GNG4: variants seen among roughly 807,000 people sequenced by gnomAD.
GNG4 encodes G protein subunit gamma 4.
A neutral mutation model predicts 5.8 loss-of-function variants in GNG4; 4 were observed. That is an observed-to-expected ratio of 0.69 (90% CI 0.34 to 1.57). The LOEUF (loss-of-function observed/expected upper bound fraction) is 1.57, where lower values mean the gene tolerates loss of function less well. GNG4 is among the 40% of genes most tolerant of loss of function. The pLI is 0.06. For missense variants in GNG4, 96 were observed against 95.1 expected, an observed-to-expected ratio of 1.01 and a Z score of -0.04; for synonymous variants, 29 against 32.9, an observed-to-expected ratio of 0.88 and a Z score of 0.41.
At chr1:235,635,450 C>T (rs1040798947) in intron 1 of GNG4, among the ~76,000 whole-genome samples, 8 of 151,796 alleles carry the variant, frequency 5.3e-5, no homozygotes, top group Non-Finnish European at 1.0e-4. Context: ...GAGCTGAGAT[C>T]GCACCACTGG....
At chr1:235,618,861 G>A (rs1260748699) in intron 1 of GNG4, among the ~76,000 whole-genome samples, 2 of 151,210 alleles carry the variant, frequency 1.3e-5, no homozygotes, top group African/African-American at 4.8e-5. Context: ...TCACCATGTT[G>A]GCCGGGCTGG....
intron 1 of GNG4, among the ~76,000 whole-genome samples, chr1:235,611,321 C>G (rs1040636550): frequency 1.3e-5 from 2 of 151,978 alleles, no homozygotes; most frequent in Non-Finnish European, 2.9e-5. Flanking sequence ...GTGTGTGCCA[C>G]CATGCTGGAC....
At chr1:235,573,329 TG>T (rs1318915319) in intron 3 of GNG4, among the ~76,000 whole-genome samples, 3 of 38,936 alleles carry the variant, frequency 7.7e-5, no homozygotes, top group African/African-American at 2.0e-4. Context: ...TGTCAAGGGG[TG>T]GGGGGAGGGG....
intron 3 of GNG4, among the ~76,000 whole-genome samples, chr1:235,564,066 C>G (rs750928631): frequency 1.3e-5 from 2 of 152,130 alleles, no homozygotes; most frequent in African/African-American, 4.8e-5. Flanking sequence ...TATATATACA[C>G]CATGAAATAC....
At chr1:235,560,056 C>G (rs1687018750) in intron 3 of GNG4, among the ~76,000 whole-genome samples, 1 of 152,172 alleles carries the variant, frequency 6.6e-6, no homozygotes. Context: ...TTTGATATTT[C>G]CCAAATTTCC....
chr1:235,586,894 A>C (rs1687771340), intron 2 of GNG4, among the ~76,000 whole-genome samples: 5 of 152,180 alleles, frequency 3.3e-5, no homozygotes, highest in Admixed American at 3.3e-4. Flanking sequence ...CAGCAACACA[A>C]AACAGCCTAC....
rs188442131 is a variant in GNG4 at position 235,576,168 on chromosome 1, C to G, written c.99+7572G>C. On this transcript the variant is annotated intron_variant, in intron 3 of 3. Coordinates refer to ENST00000391854, the MANE Select transcript of GNG4 (RefSeq NM_001098722.2). Reference sequence around the variant, plus strand: ...CTCCGCGTCCCGGATTCAAGCGATTCCCTTGCCTCAGCCTCCCAAGTAGCT... The same window carrying G: ...CTCCGCGTCCCGGATTCAAGCGATTGCCTTGCCTCAGCCTCCCAAGTAGCT... Among the ~76,000 whole-genome samples the G allele has an allele frequency of 4.9e-4, 74 of 151,006 alleles. No homozygotes were observed. The East Asian group carries it at 0.012, about 25-fold the overall frequency.
chr1:235,591,726 G>A (rs1033433026), intron 2 of GNG4, among the ~76,000 whole-genome samples: 4 of 152,186 alleles, frequency 2.6e-5, no homozygotes. Flanking sequence ...CTGGGCTCTC[G>A]GCTTTCCAGA....
chr1:235,631,963 G>A (rs1558503756), intron 1 of GNG4, among the ~76,000 whole-genome samples: 2 of 152,214 alleles, frequency 1.3e-5, no homozygotes, highest in African/African-American at 2.4e-5. Context: ...ACCTCAAACA[G>A]CAGAGTTTAA....
At chr1:235,567,460 C>T in intron 3 of GNG4, among the ~76,000 whole-genome samples, 1 of 152,064 alleles carries the variant, frequency 6.6e-6, no homozygotes, top group East Asian at 1.9e-4. Context: ...ATTAAACAAC[C>T]CTCCATTCTC....
intron 2 of GNG4, among the ~76,000 whole-genome samples, chr1:235,593,111 G>C (rs1200824547): frequency 1.3e-5 from 2 of 152,106 alleles, no homozygotes; most frequent in African/African-American, 4.8e-5. Context: ...ACTATGCCCA[G>C]CTAATTTTTG....
chr1:235,610,647 C>CT (rs1446945511), intron 1 of GNG4, among the ~76,000 whole-genome samples: 1 of 152,118 alleles, frequency 6.6e-6, no homozygotes, highest in African/African-American at 2.4e-5. Flanking sequence ...TCTCGAATGT[C>CT]TTTATCATTT....
At chr1:235,587,592 A>AAT (rs1558486307) in intron 2 of GNG4, among the ~76,000 whole-genome samples, 54 of 718 alleles carry the variant, frequency 0.075, no homozygotes, top group Non-Finnish European at 0.084. Flanking sequence ...GGTGAGTGTG[A>AAT]GTGTGGGAGG....
chr1:235,599,885 A>G (rs1406917103), intron 1 of GNG4, among the ~76,000 whole-genome samples: 1 of 152,130 alleles, frequency 6.6e-6, no homozygotes, highest in Non-Finnish European at 1.5e-5. Context: ...ATCAGAAAAG[A>G]CACTATCAAT....
chr1:235,620,468 T>C (rs753351398), intron 1 of GNG4, among the ~76,000 whole-genome samples: 1 of 152,262 alleles, frequency 6.6e-6, no homozygotes, highest in Non-Finnish European at 1.5e-5. Flanking sequence ...TGACTGTAAG[T>C]TGCCGTTGGC....
chr1:235,579,299 C>T (rs1190518232), intron 3 of GNG4, among the ~76,000 whole-genome samples: 1 of 151,858 alleles, frequency 6.6e-6, no homozygotes, highest in African/African-American at 2.4e-5. Context: ...ACAATGTATG[C>T]CTATGTCAAA....
intron 2 of GNG4, among the ~76,000 whole-genome samples, chr1:235,595,154 G>A (rs1376659213): frequency 6.6e-6 from 1 of 152,166 alleles, no homozygotes; most frequent in African/African-American, 2.4e-5. Flanking sequence ...TCCCCCAACA[G>A]GTGCACATCC....
intron 2 of GNG4, among the ~76,000 whole-genome samples, chr1:235,593,000 G>A (rs896600661): frequency 6.7e-6 from 1 of 150,134 alleles, no homozygotes; most frequent in Admixed American, 6.7e-5. Context: ...CAGGCTTGGA[G>A]TGCAGTGGTG....
chr1:235,613,216 T>TCC (rs1217018091), intron 1 of GNG4, among the ~76,000 whole-genome samples: 1 of 152,102 alleles, frequency 6.6e-6, no homozygotes, highest in African/African-American at 2.4e-5. Flanking sequence ...TCCTAGCTAC[T>TCC]CCCAGTCCAT....
Sources: gnomAD v4.1 joint callset for allele counts (sites outside exome capture counted in the v4.1 genomes callset) on GRCh38, gnomAD v4.1.1 for gene constraint, MANE v1.5 for transcripts, NCBI Gene and HGNC (gene_info 2026-07-23, HGNC 2026-07-21) for gene names.